The following ATP13A2 variants were observed in gnomAD, a reference collection of about 807,000 sequenced individuals.
ATP13A2 encodes the protein polyamine-transporting ATPase 13A2.
Under a neutral mutation model 138.3 loss-of-function variants are expected in ATP13A2, and 83 were observed. The ratio of observed to expected loss-of-function variants is 0.60; its 90% CI spans 0.50 to 0.72. The LOEUF is 0.72. ATP13A2 is among the 30% of genes least tolerant of loss of function. The pLI, the probability that ATP13A2 is intolerant of heterozygous loss-of-function variation, is 0.00. For synonymous variants in ATP13A2, 663 were observed against 699.0 expected, an observed-to-expected ratio of 0.95 and a Z score of 0.81; for missense variants, 1,402 against 1,606.4, an observed-to-expected ratio of 0.87 and a Z score of 2.17.
At chr1:17,001,895 T>C in intron 8 of ATP13A2, 139 bp downstream of exon 8, 1 of 867,430 alleles carries the variant, frequency 1.2e-6, no homozygotes, top group South Asian at 1.8e-5. Flanking sequence ...TGCGGCAGGT[T>C]CTGAGATGAC....
intron 21 of ATP13A2, 37 bp from the exon 22 acceptor site, chr1:16,990,040 C>G: frequency 6.2e-7 from 1 of 1,613,284 alleles, no homozygotes; most frequent in Non-Finnish European, 8.5e-7. Context: ...CTCCCCCTGC[C>G]CACCCTGGAG....
At chr1:16,996,903 G>T in intron 12 of ATP13A2, 117 bp downstream of exon 12, 1 of 1,316,858 alleles carries the variant, frequency 7.6e-7, no homozygotes, top group Non-Finnish European at 1.1e-6. Flanking sequence ...CCCACAGCAG[G>T]GCAGCAGCAG....
chr1:16,988,087 C>T, intron 25 of ATP13A2, 51 bp downstream of exon 25: 2 of 1,534,768 alleles, frequency 1.3e-6, no homozygotes, highest in Non-Finnish European at 1.8e-6. Context: ...GGGCTGTGTC[C>T]CCTCCCTAGT....
At chr1:17,007,688 A>C (rs1383378420) in intron 1 of ATP13A2, among the ~76,000 whole-genome samples, 1 of 151,334 alleles carries the variant, frequency 6.6e-6, no homozygotes, top group Non-Finnish European at 1.5e-5. Context: ...AGTAGCTGGG[A>C]CTACAGGCGC....
At position 16,988,400 on chromosome 1, in the gene ATP13A2, A is replaced by T; in HGVS notation, c.2684T>A (p.Leu895Gln). 6.2e-7 allele frequency: 1 copy of T among 1,614,050 alleles called. No individual in the cohort carries two copies. The highest frequency in any genetic ancestry group is 8.5e-7 in the Non-Finnish European group (1 of 1,180,028). Residue 895 changes from leucine to glutamine, a missense_variant, in exon 24 of 29, where the codon CTG becomes CAG. Transcript: ENST00000326735. ...GACCACTGAGGCTTCTGCCTGGGAC[A>T]GCGAGATGCCGACATCAGCCGCCTT... Reference protein sequence around the residue: ...ALKAADVGISLSQAEASVVSP... With the variant: ...ALKAADVGISQSQAEASVVSP...
intron 16 of ATP13A2, 60 bp downstream of exon 16, chr1:16,993,569 G>T: frequency 6.8e-7 from 1 of 1,465,746 alleles, no homozygotes; most frequent in South Asian, 1.2e-5. Context: ...GGAAGACAGG[G>T]TGGGATTCGT....
chr1:16,993,419 G>C (rs1244279423), intron 16 of ATP13A2, among the ~76,000 whole-genome samples: 1 of 152,180 alleles, frequency 6.6e-6, no homozygotes, highest in African/African-American at 2.4e-5. Context: ...TGTAGGTCAG[G>C]CTGGGGTCCC....
At chr1:17,002,690 A>G (rs115933177) in intron 6 of ATP13A2, among the ~76,000 whole-genome samples, 1,798 of 151,860 alleles carry the variant, frequency 0.012, 22 homozygotes, top group Non-Finnish European at 0.016. Context: ...AAGTCACTTA[A>G]CCTCTCTGTG....
chr1:17,000,466 C>T lies in ATP13A2; in HGVS notation c.774G>A (p.Trp258Ter), dbSNP rs1334843918. ...AAATGAGGAAGATGCACAGGGCGTA[C>T]CAGTAGTAGTGGTCAGCCAGCCACA... ...IALWLADHYY[W>*]YALCIFLISS... The change falls in exon 9 of 29, where the codon TGG (tryptophan) becomes TGA (stop). Residue 258 changes from tryptophan to a stop codon, truncating the protein, a stop_gained. Transcript: ENST00000326735. LOFTEE classifies it high-confidence loss of function. 6.2e-7 allele frequency: 1 copy of T among 1,613,948 alleles called. No individual in the cohort carries two copies. Among genetic ancestry groups the T allele is most frequent in the Admixed American group, 1.7e-5 (1 of 60,004 alleles).
intron 15 of ATP13A2, among the ~76,000 whole-genome samples, chr1:16,994,197 C>CTCTCTCTCTCTCATTTATTTATTT (rs762110883): frequency 6.8e-6 from 1 of 147,312 alleles, no homozygotes; most frequent in African/African-American, 2.5e-5. Context: ...CTCTCTCTCT[C>CTCTCTCTCTCTCATTTATTTATTT]ATTTATTTAT....
chr1:16,991,664 G>C (rs1388588066), intron 20 of ATP13A2, 70 bp downstream of exon 20: 2 of 1,610,840 alleles, frequency 1.2e-6, no homozygotes, highest in Non-Finnish European at 1.7e-6. Context: ...GGAATCCCTG[G>C]TGCCCCTCTT....
rs1474433966 is a variant in ATP13A2 at position 16,986,821 on chromosome 1, C to G, written c.3219G>C (p.Arg1073=). 1 of 1,612,998 alleles carries G rather than the reference C, an allele frequency of 6.2e-7. No individual in the cohort carries two copies. The highest frequency in any genetic ancestry group is 8.5e-7 in the Non-Finnish European group (1 of 1,179,718). ...CAGTGGCACCATTGGTGTAGAGCGG[C>G]CGGCGGAAGGGCGCCCCCTTGGACA... ...AAVSKGAPFR[R]PLYTNVPFLV... The change falls in exon 27 of 29, where the codon CGG becomes CGC. Residue 1073 remains arginine, a synonymous_variant. Transcript: ENST00000326735. The surrounding 1 kb of genome is among the most constrained non-coding windows in gnomAD (Gnocchi z 6.9).
chr1:17,011,637 G>A lies in ATP13A2; in HGVS notation c.10+92C>T. The A allele has an allele frequency of 7.2e-7, 1 of 1,392,196 alleles. No individual in the cohort carries two copies. The highest frequency in any genetic ancestry group is 9.3e-7 in the Non-Finnish European group (1 of 1,071,790). 86.2% of individuals were successfully genotyped at this position (1,392,196 alleles called of 1,614,324 possible). A position where few individuals can be genotyped will look rare whatever the true frequency, so the allele number is the denominator to read the frequency against. ...CTGGGCTCGCGACCCCGCGGTGGGG[G>A]GCGTCGCCTCCCCTCTCCCTCCAAG... On this transcript the variant is annotated intron_variant, in intron 1 of 28. Coordinates refer to ENST00000326735, the MANE Select transcript of ATP13A2 (RefSeq NM_022089.4). This position sits in a 1 kb window ranked among gnomAD's most constrained non-coding sequence, Gnocchi z 7.3.
chr1:16,986,290 G>A lies in ATP13A2; in HGVS notation c.3474C>T (p.Arg1158=). The A allele has an allele frequency of 6.2e-7, 1 of 1,602,092 alleles. No homozygotes were observed. The highest frequency in any genetic ancestry group is 2.3e-5 in the East Asian group (1 of 44,320). The part of the protein sequence containing the change: ...RLRPKRASKK[R]FKQLERELAE... ...CCAGCTCTCGTTCCAGCTGCTTGAA[G>A]CGCTTCTTGGAGGCCCGCTTGGGCC... is the stretch of plus-strand genomic sequence containing the variant. The change falls in exon 29 of 29, where the codon CGC becomes CGT. Residue 1158 remains arginine, a synonymous_variant. Coordinates refer to ENST00000326735, the MANE Select transcript of ATP13A2 (RefSeq NM_022089.4). This position sits in a 1 kb window ranked among gnomAD's most constrained non-coding sequence, Gnocchi z 6.9.
intron 23 of ATP13A2, among the ~76,000 whole-genome samples, chr1:16,988,874 T>C (rs1323701532): frequency 6.6e-6 from 1 of 151,922 alleles, no homozygotes; most frequent in Non-Finnish European, 1.5e-5. Context: ...TCTCAGGTGA[T>C]CCACCCGCCT....
At chr1:16,996,997 A>C in intron 12 of ATP13A2, 23 bp downstream of exon 12, 1 of 1,608,494 alleles carries the variant, frequency 6.2e-7, no homozygotes, top group Non-Finnish European at 8.5e-7. Flanking sequence ...GATCTCTCTC[A>C]AGCCCAGCCT....
chr1:16,999,662 G>A (rs1264068801), intron 11 of ATP13A2, among the ~76,000 whole-genome samples: 1 of 152,188 alleles, frequency 6.6e-6, no homozygotes, highest in Non-Finnish European at 1.5e-5. Flanking sequence ...AGCACCTTGG[G>A]AGGCCGAGGT....
chr1:17,005,760 C>T lies in ATP13A2; in HGVS notation c.29G>A (p.Gly10Asp), dbSNP rs1553172821. MSADSSPLV[G>D]STPTGYGTLT... ...GGTCCCATAACCGGTGGGCGTGCTGCCCACGAGAGGGCTGCTGTCTGTGGA... is the reference window on the plus strand; with the variant it reads ...GGTCCCATAACCGGTGGGCGTGCTGTCCACGAGAGGGCTGCTGTCTGTGGA... Residue 10 changes from glycine to aspartate, a missense_variant, in exon 2 of 29, where the codon GGC becomes GAC. Transcript: ENST00000326735. 1.2e-6 allele frequency: 2 copies of T among 1,611,728 alleles called. No homozygotes were observed. Among genetic ancestry groups the T allele is most frequent in the South Asian group, 2.2e-5 (2 of 90,566 alleles).
chr1:16,987,403 ACT>A (rs2100663222), intron 25 of ATP13A2, 134 bp from the exon 26 acceptor site: 1 of 877,056 alleles, frequency 1.1e-6, no homozygotes, highest in South Asian at 1.4e-5. Flanking sequence ...TGGGGGCCGT[ACT>A]CTCCTGCCAG....
Sources: gnomAD v4.1 joint callset for allele counts (sites outside exome capture counted in the v4.1 genomes callset) on GRCh38, gnomAD v4.1.1 for gene constraint, Gnocchi (gnomAD v3.1) non-coding constraint, MANE v1.5 for transcripts, NCBI Gene and HGNC (gene_info 2026-07-23, HGNC 2026-07-21) for gene names.